The following PTCHD4 variants were observed in gnomAD, a reference collection of about 807,000 sequenced individuals.
The protein encoded by PTCHD4 is patched domain-containing protein 4.
Under a neutral mutation model 58.1 loss-of-function variants are expected in PTCHD4, and 33 were observed. That is an observed-to-expected ratio of 0.57 (90% CI 0.43 to 0.76). The LOEUF is 0.76. Ranked by LOEUF, PTCHD4 falls within the 30% of genes least tolerant of loss-of-function variation. PTCHD4 has a pLI of 0.00. For synonymous variants in PTCHD4, 478 were observed against 409.6 expected, an observed-to-expected ratio of 1.17 and a Z score of -2.02; for missense variants, 1,058 against 1,027.1, an observed-to-expected ratio of 1.03 and a Z score of -0.41.
chr6:48,086,922 T>C (rs747230898), intron 1 of PTCHD4, among the ~76,000 whole-genome samples: 2 of 152,222 alleles, frequency 1.3e-5, no homozygotes, highest in African/African-American at 2.4e-5. Context: ...AAGAATCTTT[T>C]CACGTTAATA....
rs1401901165 is a variant in PTCHD4, at chr6:47,872,160, C to T, written c.*6143G>A. Among the ~76,000 whole-genome samples, 1 of 151,412 alleles carries T rather than the reference C, an allele frequency of 6.6e-6. No individual in the cohort carries two copies. Among genetic ancestry groups the T allele is most frequent in the South Asian group, 2.1e-4 (1 of 4,822 alleles). On this transcript the variant is annotated 3_prime_UTR_variant, in exon 5 of 5. Transcript: ENST00000339488. Reference sequence around the variant, plus strand: ...CATATTACATTAGATAATTTAAATGCTCCCCATAACATACTGTAGACTGCC... The same window carrying T: ...CATATTACATTAGATAATTTAAATGTTCCCCATAACATACTGTAGACTGCC...
intron 1 of PTCHD4, among the ~76,000 whole-genome samples, chr6:48,073,291 T>C (rs1409694199): frequency 2.4e-4 from 36 of 152,338 alleles, no homozygotes; most frequent in East Asian, 1.9e-4. Context: ...CTTGTACTTT[T>C]GCAGGATGAG....
In PTCHD4 at chr6:47,870,366, A is replaced by G. The variant is rs1346299065; in HGVS notation, c.*7937T>C. 6.6e-6 allele frequency among the ~76,000 whole-genome samples: 1 copy of G among 151,682 alleles called. No individual in the cohort carries two copies. Among genetic ancestry groups the G allele is most frequent in the Non-Finnish European group, 1.5e-5 (1 of 67,726 alleles). ...AAACATGAAAATAATGATGAACCGA[A>G]CAAGGAAATATTTGGAACATAATTT... On this transcript the variant is annotated 3_prime_UTR_variant, in exon 5 of 5. Coordinates refer to ENST00000339488, the MANE Select transcript of PTCHD4 (RefSeq NM_001384253.1).
intron 4 of PTCHD4, among the ~76,000 whole-genome samples, chr6:48,003,026 T>C (rs1768797449): frequency 6.6e-6 from 1 of 152,188 alleles, no homozygotes; most frequent in South Asian, 2.1e-4. Context: ...CGTTATTCTC[T>C]CTTGCTTCTC....
rs1286526778 is a variant in PTCHD4 at position 47,862,519 on chromosome 6, C to G, written c.*15784G>C. Reference sequence around the variant, plus strand: ...TTTATTTGGTTTCCTGGCCATTTGTCAATTTTTTTCTTCATATTTTACTAT... The same window carrying G: ...TTTATTTGGTTTCCTGGCCATTTGTGAATTTTTTTCTTCATATTTTACTAT... On this transcript the variant is annotated 3_prime_UTR_variant, in exon 5 of 5. Transcript: ENST00000339488. 6.6e-6 allele frequency among the ~76,000 whole-genome samples: 1 copy of G among 151,612 alleles called. No homozygotes were observed. Among genetic ancestry groups the G allele is most frequent in the Non-Finnish European group, 1.5e-5 (1 of 67,782 alleles).
At position 48,086,831 on chromosome 6, in the gene PTCHD4, A is replaced by G. The variant is rs139851145; in HGVS notation, c.-969-16905T>C. Among the ~76,000 whole-genome samples the G allele has an allele frequency of 2.1e-3, 316 of 152,302 alleles. 1 individual carries two copies. The highest frequency in any genetic ancestry group is 6.5e-3 in the African/African-American group (269 of 41,570). On this transcript the variant is annotated intron_variant, in intron 1 of 4. Coordinates refer to ENST00000339488, the MANE Select transcript of PTCHD4 (RefSeq NM_001384253.1). ...TCCACCTTGAGGCTCTATGGTTGCT[A>G]TGTATTTTTTAATCACCCCACAAAT...
At chr6:48,095,515 C>G (rs1203427790) in intron 1 of PTCHD4, among the ~76,000 whole-genome samples, 3 of 152,040 alleles carry the variant, frequency 2.0e-5, no homozygotes, top group Non-Finnish European at 2.9e-5. Context: ...AACCCCGTCT[C>G]TACTAAAAAT....
At chr6:47,991,896 A>G (rs1581984477) in intron 4 of PTCHD4, among the ~76,000 whole-genome samples, 1 of 152,094 alleles carries the variant, frequency 6.6e-6, no homozygotes, top group Non-Finnish European at 1.5e-5. Context: ...GTTAATAAAA[A>G]AAGAACAATA....
intron 4 of PTCHD4, among the ~76,000 whole-genome samples, chr6:47,922,021 C>T (rs1046492926): frequency 1.2e-4 from 18 of 151,386 alleles, no homozygotes; most frequent in Middle Eastern, 3.4e-3. Context: ...TGCCTGAGCC[C>T]CAGTTACTTG....
chr6:47,899,806 A>T (rs1226284416), intron 4 of PTCHD4: 45 of 152,260 alleles, frequency 3.0e-4, no homozygotes, highest in Admixed American at 3.0e-3. Context: ...TAACCCACCA[A>T]TCCTCAGCAA....
At chr6:47,949,158 G>A (rs952360638) in intron 4 of PTCHD4, among the ~76,000 whole-genome samples, 3 of 152,190 alleles carry the variant, frequency 2.0e-5, no homozygotes, top group African/African-American at 7.2e-5. Flanking sequence ...ATTGGCCTGT[G>A]CCTGGTTTAG....
chr6:47,919,652 TG>T (rs756079724), intron 4 of PTCHD4, among the ~76,000 whole-genome samples: 1 of 152,160 alleles, frequency 6.6e-6, no homozygotes, highest in Non-Finnish European at 1.5e-5. Context: ...TGTAGGATTT[TG>T]TAATCAGGAT....
intron 4 of PTCHD4, among the ~76,000 whole-genome samples, chr6:47,984,640 T>C (rs535457729): frequency 7.2e-5 from 11 of 152,212 alleles, no homozygotes; most frequent in Admixed American, 6.5e-4. Context: ...CATATAAAGG[T>C]TCAGTGCAGA....
intron 4 of PTCHD4, among the ~76,000 whole-genome samples, chr6:47,907,200 AC>A: frequency 6.6e-6 from 1 of 152,156 alleles, no homozygotes; most frequent in East Asian, 1.9e-4. Context: ...TCAGTAGAAG[AC>A]TGTTTGCCTC....
chr6:47,984,359 G>C (rs922286949), intron 4 of PTCHD4, among the ~76,000 whole-genome samples: 26 of 152,234 alleles, frequency 1.7e-4, no homozygotes, highest in African/African-American at 5.8e-4. Context: ...CAGGAGAGAG[G>C]AGAGCAAGCA....
intron 4 of PTCHD4, among the ~76,000 whole-genome samples, chr6:47,907,405 A>G (rs775733646): frequency 2.6e-5 from 4 of 152,232 alleles, no homozygotes; most frequent in Non-Finnish European, 4.4e-5. Context: ...CCCACTAAAT[A>G]TAATTATAAA....
At chr6:48,011,385 G>A (rs1762666777) in intron 3 of PTCHD4, among the ~76,000 whole-genome samples, 1 of 152,054 alleles carries the variant, frequency 6.6e-6, no homozygotes, top group Non-Finnish European at 1.5e-5. Flanking sequence ...CTTCTTTTGA[G>A]AAGTGTCTGC....
chr6:47,961,172 C>A (rs957451910), intron 4 of PTCHD4, among the ~76,000 whole-genome samples: 2 of 151,696 alleles, frequency 1.3e-5, no homozygotes, highest in African/African-American at 4.8e-5. Context: ...GATTAGAAAT[C>A]AATAACAAAA....
chr6:47,916,763 G>A (rs910208524), intron 4 of PTCHD4, among the ~76,000 whole-genome samples: 5 of 152,086 alleles, frequency 3.3e-5, no homozygotes, highest in African/African-American at 1.2e-4. Context: ...CCACAAAATT[G>A]AAGATTTATT....
Sources: gnomAD v4.1 joint callset for allele counts (sites outside exome capture counted in the v4.1 genomes callset) on GRCh38, gnomAD v4.1.1 for gene constraint, MANE v1.5 for transcripts, NCBI Gene and HGNC (gene_info 2026-07-23, HGNC 2026-07-21) for gene names.